The following MGAT4C variants were observed in gnomAD, a reference collection of about 807,000 sequenced individuals.
MGAT4C encodes alpha-1,3-mannosyl-glycoprotein 4-beta-N-acetylglucosaminyltransferase C.
MGAT4C carries 19 observed loss-of-function variants against 40.1 expected under a neutral mutation model. That is an observed-to-expected ratio of 0.47 (90% CI 0.33 to 0.70). The LOEUF is 0.70. MGAT4C is among the 30% of genes least tolerant of loss of function. The pLI is 0.02. For missense variants in MGAT4C, 491 were observed against 563.2 expected, an observed-to-expected ratio of 0.87 and a Z score of 1.30; for synonymous variants, 181 against 187.1, an observed-to-expected ratio of 0.97 and a Z score of 0.27.
At chr12:86,007,512 AATG>A (rs1025876341) in intron 2 of MGAT4C, among the ~76,000 whole-genome samples, 1 of 152,122 alleles carries the variant, frequency 6.6e-6, no homozygotes, top group African/African-American at 2.4e-5. Flanking sequence ...TATAATTTAT[AATG>A]AATGTGCCAT....
intron 1 of MGAT4C, among the ~76,000 whole-genome samples, chr12:86,174,120 C>CACGT (rs1373136895): frequency 5.3e-5 from 4 of 75,258 alleles, no homozygotes; most frequent in Non-Finnish European, 7.8e-5. Context: ...GACACACACA[C>CACGT]ACATACACAC....
At chr12:86,376,378 A>C (rs1002042498) in intron 3 of MGAT4C, among the ~76,000 whole-genome samples, 7 of 152,104 alleles carry the variant, frequency 4.6e-5, no homozygotes, top group South Asian at 2.1e-4. Context: ...ACCCTGTCTC[A>C]AAAAACCAAA....
intron 3 of MGAT4C, among the ~76,000 whole-genome samples, chr12:86,422,747 G>A (rs922852012): frequency 6.6e-6 from 1 of 152,016 alleles, no homozygotes; most frequent in African/African-American, 2.4e-5. Context: ...AATTGTACTG[G>A]CAATTAGTTT....
intron 1 of MGAT4C, among the ~76,000 whole-genome samples, chr12:86,106,194 T>G (rs529444064): frequency 7.2e-5 from 11 of 152,326 alleles, no homozygotes; most frequent in African/African-American, 2.6e-4. Context: ...GTTTTTATCT[T>G]TTTTTGACTG....
chr12:86,376,445 T>C (rs975348937), intron 3 of MGAT4C, among the ~76,000 whole-genome samples: 2 of 152,016 alleles, frequency 1.3e-5, no homozygotes, highest in Non-Finnish European at 2.9e-5. Flanking sequence ...CATATATATA[T>C]GAAATACAAT....
chr12:86,483,563 T>C (rs1037314981), intron 2 of MGAT4C, among the ~76,000 whole-genome samples: 3 of 151,862 alleles, frequency 2.0e-5, no homozygotes, highest in Middle Eastern at 3.2e-3. Flanking sequence ...GTATGTTAGG[T>C]GCATAAAATG....
At chr12:86,376,820 G>GAGAGAC (rs1955833477) in intron 3 of MGAT4C, among the ~76,000 whole-genome samples, 1 of 20,092 alleles carries the variant, frequency 5.0e-5, no homozygotes. Context: ...GAGAGAGACA[G>GAGAGAC]AGAGAGAGAG....
At chr12:86,836,807 A>G (rs897432879) in intron 1 of MGAT4C, among the ~76,000 whole-genome samples, 5 of 152,174 alleles carry the variant, frequency 3.3e-5, no homozygotes, top group African/African-American at 1.2e-4. Flanking sequence ...CCAAACATGA[A>G]GTGACTATTT....
At chr12:86,590,136 A>G (rs1961262584) in intron 2 of MGAT4C, among the ~76,000 whole-genome samples, 1 of 151,838 alleles carries the variant, frequency 6.6e-6, no homozygotes, top group South Asian at 2.1e-4. Flanking sequence ...TAAAAACAGA[A>G]TACATGCATT....
In MGAT4C at chr12:85,972,981, A is replaced by G. The variant is rs533760469; in HGVS notation, c.*6308T>C. 3.3e-5 allele frequency: 5 copies of G among 151,082 alleles called. No individual in the cohort carries two copies. In the East Asian group the frequency reaches 5.8e-4, roughly 18 times the overall value. The allele number at this position is 151,082 out of a possible 1,614,324, so 9.4% of individuals were successfully genotyped here. The stretch of plus-strand genomic sequence containing the variant: ...CATGTACTACCTTAAACATTTTCCA[A>G]TTGGAACATACTATAGACAAAACTG... On this transcript the variant is annotated 3_prime_UTR_variant, in exon 5 of 5. Transcript: ENST00000611864.
rs150877747 is a variant in MGAT4C at position 86,757,758 on chromosome 12, G to T, written c.-261-30517C>A. On this transcript the variant is annotated intron_variant, in intron 1 of 7. Transcript: ENST00000548651. ...TCCCAACAATACAGTAGAAACCCTA[G>T]ATTTGTGCCTTCCCACTGACTTTGA... Among the ~76,000 whole-genome samples the T allele has an allele frequency of 3.2e-4, 48 of 152,276 alleles. 1 individual carries two copies. Among genetic ancestry groups the T allele is most frequent in the African/African-American group, 1.1e-3 (47 of 41,550 alleles).
chr12:85,958,925 A>G lies in MGAT4C; in HGVS notation c.*20364T>C, dbSNP rs1357880287. ...AAACTTTATATTTTTGCATACACTTATCTTCCTGGCATTTTTGAAATAAAA... is the reference window on the plus strand; with the variant it reads ...AAACTTTATATTTTTGCATACACTTGTCTTCCTGGCATTTTTGAAATAAAA... On this transcript the variant is annotated 3_prime_UTR_variant, in exon 5 of 5. Coordinates refer to ENST00000611864, the MANE Select transcript of MGAT4C (RefSeq NM_001351288.2). The G allele has an allele frequency of 1.3e-5, 2 of 152,034 alleles. No homozygotes were observed. The highest frequency in any genetic ancestry group is 3.9e-4 in the East Asian group (2 of 5,192). 9.4% of individuals were successfully genotyped at this position (152,034 alleles called of 1,614,324 possible). A position where few individuals can be genotyped will look rare whatever the true frequency, so the allele number is the denominator to read the frequency against.
rs182564598 is a variant in MGAT4C at position 86,288,527 on chromosome 12, G to A, written c.-57+45538C>T. ...CCATCTTGAGTTAATTTTTGTATAC[G>A]GTGTAAGGAAGAGGTCCAGTTTCAG... is the stretch of plus-strand genomic sequence containing the variant. On this transcript the variant is annotated intron_variant, in intron 4 of 7. Coordinates refer to the MGAT4C transcript ENST00000548651. 3.4e-3 allele frequency among the ~76,000 whole-genome samples: 511 copies of A among 152,016 alleles called. 2 individuals are homozygous for A. The highest frequency in any genetic ancestry group is 0.012 in the African/African-American group (496 of 41,458).
intron 1 of MGAT4C, among the ~76,000 whole-genome samples, chr12:86,051,165 A>C (rs1892854525): frequency 6.6e-6 from 1 of 152,060 alleles, no homozygotes; most frequent in Non-Finnish European, 1.5e-5. Context: ...TCAGGCAACC[A>C]GGAAAAACAG....
intron 1 of MGAT4C, among the ~76,000 whole-genome samples, chr12:86,056,358 A>AT (rs1893388210): frequency 6.6e-6 from 1 of 152,080 alleles, no homozygotes; most frequent in Non-Finnish European, 1.5e-5. Context: ...TACGTTAGGC[A>AT]TTTCTCCTAA....
At chr12:86,347,521 G>C (rs1955066523) in intron 3 of MGAT4C, among the ~76,000 whole-genome samples, 1 of 152,150 alleles carries the variant, frequency 6.6e-6, no homozygotes, top group South Asian at 2.1e-4. Context: ...AATCCCGTTT[G>C]TCTCAGTTCC....
intron 2 of MGAT4C, among the ~76,000 whole-genome samples, chr12:86,541,527 A>G (rs1416579400): frequency 1.3e-5 from 2 of 152,196 alleles, no homozygotes; most frequent in Non-Finnish European, 2.9e-5. Context: ...CACATTTAAA[A>G]TTTACAAAAT....
At chr12:86,060,690 A>C (rs544747573) in intron 1 of MGAT4C, among the ~76,000 whole-genome samples, 45 of 152,330 alleles carry the variant, frequency 3.0e-4, no homozygotes, top group Non-Finnish European at 5.9e-4. Context: ...AGAAACATTT[A>C]TTGCTTAGAT....
Position 86,037,889 on chromosome 12 carries a change from G to A in MGAT4C, c.-7+11785C>T, listed in dbSNP as rs147141242. Reference sequence around the variant, plus strand: ...TGATCTGTCTAATATTGTCAGTGGCGTGTTAAAGTCTCCCACTATTATTGT... The same window carrying A: ...TGATCTGTCTAATATTGTCAGTGGCATGTTAAAGTCTCCCACTATTATTGT... On this transcript the variant is annotated intron_variant, in intron 2 of 4. Transcript: ENST00000611864. 5.3e-3 allele frequency among the ~76,000 whole-genome samples: 800 copies of A among 149,680 alleles called. 22 individuals are homozygous for A. Among genetic ancestry groups the A allele is most frequent in the African/African-American group, 0.016 (649 of 41,290 alleles).
Sources: gnomAD v4.1 joint callset for allele counts (sites outside exome capture counted in the v4.1 genomes callset) on GRCh38, gnomAD v4.1.1 for gene constraint, MANE v1.5 for transcripts, NCBI Gene and HGNC (gene_info 2026-07-23, HGNC 2026-07-21) for gene names.